The following STOX2 variants were observed in gnomAD, a reference collection of about 807,000 sequenced individuals.
STOX2 encodes the protein storkhead-box protein 2.
STOX2 carries 28 observed loss-of-function variants against 60.9 expected under a neutral mutation model. The observed-to-expected ratio is 0.46, with a 90% confidence interval of 0.34 to 0.63. STOX2 has a LOEUF of 0.63. STOX2 is among the 30% of genes least tolerant of loss of function. The probability of loss-of-function intolerance (pLI) is 0.01; values close to 1 mark genes in which losing one functional copy is unlikely to be tolerated. For missense variants in STOX2, 1,024 were observed against 1,187.7 expected, an observed-to-expected ratio of 0.86 and a Z score of 2.03; for synonymous variants, 472 against 463.9, an observed-to-expected ratio of 1.02 and a Z score of -0.22.
At chr4:184,006,704 A>AAT (rs34125186) in intron 2 of STOX2, among the ~76,000 whole-genome samples, 1 of 141,944 alleles carries the variant, frequency 7.0e-6, no homozygotes, top group East Asian at 2.0e-4. Flanking sequence ...AAAAAAAAAA[A>AAT]GGAAAAAAGA....
chr4:183,894,101 T>A (rs1741288726), intron 1 of STOX2, among the ~76,000 whole-genome samples: 1 of 152,196 alleles, frequency 6.6e-6, no homozygotes, highest in South Asian at 2.1e-4. Context: ...CAGTGAGCGG[T>A]GATCATGCCA....
intron 1 of STOX2, among the ~76,000 whole-genome samples, chr4:183,847,843 C>T (rs1475569848): frequency 6.6e-6 from 1 of 152,094 alleles, no homozygotes; most frequent in Non-Finnish European, 1.5e-5. Flanking sequence ...TTCCCTATTC[C>T]ACGATTTTCG....
At position 183,928,974 on chromosome 4, in the gene STOX2, A is replaced by C. The variant is rs191516894; in HGVS notation, c.166+22018A>C. Among the ~76,000 whole-genome samples the C allele has an allele frequency of 2.6e-3, 393 of 152,338 alleles. 4 individuals carry two copies. Among genetic ancestry groups the C allele is most frequent in the African/African-American group, 9.2e-3 (382 of 41,572 alleles). On this transcript the variant is annotated intron_variant, in intron 1 of 3. Transcript: ENST00000308497. ...TCAAAGGAAAAGAAGCTTTGGATAA[A>C]GTGTGAAATACTTGTAACACAAGCC...
intron 1 of STOX2, among the ~76,000 whole-genome samples, chr4:183,810,767 A>AGG (rs1214060032): frequency 6.6e-6 from 1 of 150,960 alleles, no homozygotes; most frequent in African/African-American, 2.4e-5. Flanking sequence ...GTGGCACAGC[A>AGG]GGGGGCCCTC....
chr4:183,923,140 C>G (rs1001452504), intron 1 of STOX2, among the ~76,000 whole-genome samples: 1 of 152,108 alleles, frequency 6.6e-6, no homozygotes, highest in Admixed American at 6.5e-5. Flanking sequence ...ATGTACATAC[C>G]CAGAAGTAGC....
At chr4:183,973,676 A>G (rs1459793409) in intron 1 of STOX2, among the ~76,000 whole-genome samples, 9 of 152,222 alleles carry the variant, frequency 5.9e-5, no homozygotes, top group Non-Finnish European at 1.0e-4. Context: ...CTGAGTAAAT[A>G]TAATTATTCT....
intron 1 of STOX2, among the ~76,000 whole-genome samples, chr4:183,947,227 T>C (rs1399390958): frequency 6.6e-6 from 1 of 152,242 alleles, no homozygotes; most frequent in Non-Finnish European, 1.5e-5. Flanking sequence ...AAATGCTCTG[T>C]GAGTAGTCAT....
In STOX2 at chr4:183,825,757, CG is replaced by C. The variant is rs972402310; in HGVS notation, c.364+27706del. Among the ~76,000 whole-genome samples the C allele has an allele frequency of 6.6e-6, 1 of 151,976 alleles. No individual in the cohort carries two copies. The highest frequency in any genetic ancestry group is 6.6e-5 in the Admixed American group (1 of 15,256). ...CGAGGTGGCTGGGGCTGGACTTTGCCGGGGAGGGGTTCAGATTTAATGCTTC... is the reference window on the plus strand; with the variant it reads ...CGAGGTGGCTGGGGCTGGACTTTGCCGGGAGGGGTTCAGATTTAATGCTTC... On this transcript the variant is annotated intron_variant, in intron 1 of 2. Coordinates refer to the STOX2 transcript ENST00000513034. This position sits in a 1 kb window ranked among gnomAD's most constrained non-coding sequence, Gnocchi z 4.1.
At chr4:183,803,178 A>ATC (rs1166020231) in intron 1 of STOX2, among the ~76,000 whole-genome samples, 1 of 152,168 alleles carries the variant, frequency 6.6e-6, no homozygotes, top group East Asian at 1.9e-4. Context: ...CACGGGAAAG[A>ATC]TCCGTCCCCA....
intron 1 of STOX2, among the ~76,000 whole-genome samples, chr4:183,980,027 A>G (rs1479328954): frequency 4.6e-5 from 7 of 152,218 alleles, no homozygotes; most frequent in Admixed American, 2.6e-4. Context: ...TAGCTACTCT[A>G]TTTGACAGCA....
At chr4:183,922,983 C>T (rs932201377) in intron 1 of STOX2, among the ~76,000 whole-genome samples, 1 of 152,168 alleles carries the variant, frequency 6.6e-6, no homozygotes, top group Non-Finnish European at 1.5e-5. Context: ...AAGGCAGAAT[C>T]GTATTCCATT....
chr4:183,937,391 G>A (rs1006091621), intron 1 of STOX2, among the ~76,000 whole-genome samples: 14 of 152,356 alleles, frequency 9.2e-5, no homozygotes, highest in Middle Eastern at 3.4e-3. Context: ...CCAATGGAGA[G>A]AAGACGTGTC....
intron 1 of STOX2, among the ~76,000 whole-genome samples, chr4:183,860,113 A>G (rs552345986): frequency 6.6e-6 from 1 of 151,636 alleles, no homozygotes; most frequent in Non-Finnish European, 1.5e-5. Context: ...ATGTCTACCT[A>G]TTTAGGATGT....
chr4:184,007,389 A>C (rs1425945835), intron 2 of STOX2, among the ~76,000 whole-genome samples: 1 of 152,154 alleles, frequency 6.6e-6, no homozygotes, highest in Non-Finnish European at 1.5e-5. Context: ...TTGTTGTTTG[A>C]AGGCAATCTG....
chr4:183,994,413 T>A (rs1024722992), intron 1 of STOX2, among the ~76,000 whole-genome samples: 3 of 152,132 alleles, frequency 2.0e-5, no homozygotes, highest in Non-Finnish European at 4.4e-5. Flanking sequence ...GATGAAGCCT[T>A]TATTGTAAGG....
At chr4:183,864,755 T>C (rs915605322) in intron 1 of STOX2, among the ~76,000 whole-genome samples, 6 of 152,168 alleles carry the variant, frequency 3.9e-5, no homozygotes, top group African/African-American at 1.4e-4. Context: ...CCAAGTAGGA[T>C]TGATGCTGAA....
intron 1 of STOX2, among the ~76,000 whole-genome samples, chr4:183,871,220 T>C (rs12644463): frequency 0.4 from 60,456 of 151,992 alleles, 12,201 homozygotes; most frequent in Middle Eastern, 0.44. Context: ...GTTAACTGTC[T>C]TTCTCTAACT....
At chr4:183,946,724 C>A (rs1366380334) in intron 1 of STOX2, among the ~76,000 whole-genome samples, 3 of 151,110 alleles carry the variant, frequency 2.0e-5, no homozygotes, top group Admixed American at 1.3e-4. Flanking sequence ...CTCCCAGCTT[C>A]AAGCAATTCT....
chr4:183,847,019 G>A (rs1338170189), intron 1 of STOX2, among the ~76,000 whole-genome samples: 1 of 152,126 alleles, frequency 6.6e-6, no homozygotes, highest in Admixed American at 6.5e-5. Context: ...CTTATGTTTG[G>A]TTAGCTTAGC....
Sources: gnomAD v4.1 joint callset for allele counts (sites outside exome capture counted in the v4.1 genomes callset) on GRCh38, gnomAD v4.1.1 for gene constraint, Gnocchi (gnomAD v3.1) non-coding constraint, MANE v1.5 for transcripts, NCBI Gene and HGNC (gene_info 2026-07-23, HGNC 2026-07-21) for gene names.